Variants in PCDH9 observed in about 807,000 individuals in gnomAD.
PCDH9 encodes the protein protocadherin 9.
PCDH9 carries 24 observed loss-of-function variants against 70.6 expected under a neutral mutation model. That is an observed-to-expected ratio of 0.34 (90% CI 0.25 to 0.48). PCDH9 has a LOEUF of 0.48. PCDH9 is among the 20% of genes least tolerant of loss of function. The pLI is 0.99. For missense variants in PCDH9, 1,281 were observed against 1,503.6 expected (o/e 0.85, Z 2.45); for synonymous variants, 562 against 558.5 (o/e 1.01, Z -0.09).
intron 2 of PCDH9, among the ~76,000 whole-genome samples, chr13:67,068,918 A>G (rs1035619509): frequency 1.3e-5 from 2 of 152,214 alleles, no homozygotes; most frequent in Admixed American, 6.6e-5. Flanking sequence ...AAGTTATTAA[A>G]TACAAAATGT....
At chr13:66,413,166 G>A (rs1418204449) in intron 4 of PCDH9, among the ~76,000 whole-genome samples, 1 of 152,038 alleles carries the variant, frequency 6.6e-6, no homozygotes, top group African/African-American at 2.4e-5. Flanking sequence ...AACTTGTCAT[G>A]TTTCCATATG....
In PCDH9 at chr13:67,225,418, A is replaced by G. The variant is rs373547205; in HGVS notation, c.3023T>C (p.Leu1008Ser). ...GTGCTCGTTTACCTGTCTGGTGTGTAAGGGGCCCTTTGTCTTGAAGCCTCC... is the reference window on the plus strand; with the variant it reads ...GTGCTCGTTTACCTGTCTGGTGTGTGAGGGGCCCTTTGTCTTGAAGCCTCC... ...SQGGFKTKGP[L>S]HTRQCNSHSK... is the part of the protein sequence containing the mutation. The change falls in exon 2 of 5, where the codon TTA (leucine) becomes TCA (serine). Residue 1008 changes from leucine (L) to serine (S), a missense_variant. By Grantham distance (145) the Leu-to-Ser change is moderately radical. Coordinates refer to ENST00000377865, the MANE Select transcript of PCDH9 (RefSeq NM_203487.3). 8 of 1,613,744 alleles carry G rather than the reference A, an allele frequency of 5.0e-6. No homozygotes were observed. The highest frequency in any genetic ancestry group is 1.7e-5 in the Admixed American group (1 of 59,998).
intron 3 of PCDH9, among the ~76,000 whole-genome samples, chr13:66,764,470 C>T (rs1341440628): frequency 1.3e-5 from 2 of 151,704 alleles, no homozygotes; most frequent in Non-Finnish European, 1.5e-5. Flanking sequence ...TTCCAGACCT[C>T]AAAACAAGCA....
chr13:67,010,774 A>G (rs993003414), intron 2 of PCDH9, among the ~76,000 whole-genome samples: 2 of 152,018 alleles, frequency 1.3e-5, no homozygotes, highest in Non-Finnish European at 2.9e-5. Context: ...TTAATAATTT[A>G]AAGAAAAGTA....
intron 2 of PCDH9, among the ~76,000 whole-genome samples, chr13:66,967,573 A>G (rs1409656799): frequency 6.6e-6 from 1 of 152,048 alleles, no homozygotes; most frequent in Non-Finnish European, 1.5e-5. Context: ...ATAAGTAACA[A>G]GTTTACCCAA....
chr13:66,311,281 A>G (rs923198678), intron 4 of PCDH9, among the ~76,000 whole-genome samples: 1 of 152,026 alleles, frequency 6.6e-6, no homozygotes, highest in African/African-American at 2.4e-5. Flanking sequence ...GTATCTCCAG[A>G]ATACTAACAC....
At chr13:66,329,831 T>C (rs549791990) in intron 4 of PCDH9, among the ~76,000 whole-genome samples, 4 of 152,160 alleles carry the variant, frequency 2.6e-5, no homozygotes, top group Non-Finnish European at 5.9e-5. Context: ...CAGATAGCAC[T>C]ATATATATGA....
intron 2 of PCDH9, among the ~76,000 whole-genome samples, chr13:67,059,999 G>A (rs2085506403): frequency 6.6e-6 from 1 of 151,332 alleles, no homozygotes. Flanking sequence ...ATGGGGGTAT[G>A]AGTATGAGGG....
At chr13:66,305,162 A>G in intron 4 of PCDH9, 134 bp from the exon 5 acceptor site, 6 of 775,116 alleles carry the variant, frequency 7.7e-6, no homozygotes, top group Non-Finnish European at 1.2e-5. Context: ...CAACTCAAAG[A>G]TATATTTCTC....
At chr13:67,010,619 TTC>T (rs1332785672) in intron 2 of PCDH9, among the ~76,000 whole-genome samples, 2 of 152,000 alleles carry the variant, frequency 1.3e-5, no homozygotes. Context: ...TACTAGTTTA[TTC>T]TGTTCTATTT....
At chr13:66,710,253 T>A (rs1262364905) in intron 3 of PCDH9, among the ~76,000 whole-genome samples, 1 of 152,150 alleles carries the variant, frequency 6.6e-6, no homozygotes, top group Admixed American at 6.6e-5. Context: ...GTTTTATGCC[T>A]TCTATTAATT....
At chr13:67,075,012 G>A (rs1374476144) in intron 2 of PCDH9, among the ~76,000 whole-genome samples, 2 of 151,270 alleles carry the variant, frequency 1.3e-5, no homozygotes, top group African/African-American at 2.4e-5. Context: ...TGTCCCAATG[G>A]AATATGGATC....
intron 3 of PCDH9, among the ~76,000 whole-genome samples, chr13:66,852,560 G>C (rs907614177): frequency 3.9e-5 from 6 of 152,070 alleles, no homozygotes; most frequent in African/African-American, 1.4e-4. Context: ...CTTCTCCAAG[G>C]CCAAATTCAC....
At chr13:66,840,293 TTGAA>T (rs1459640696) in intron 3 of PCDH9, among the ~76,000 whole-genome samples, 1 of 152,236 alleles carries the variant, frequency 6.6e-6, no homozygotes, top group Non-Finnish European at 1.5e-5. Context: ...AAACTGGCTC[TTGAA>T]TAGAGTTGTA....
chr13:67,076,283 G>GTA (rs764201871), intron 2 of PCDH9, among the ~76,000 whole-genome samples: 5 of 152,126 alleles, frequency 3.3e-5, no homozygotes, highest in Admixed American at 6.6e-5. Flanking sequence ...ATTTAGCATA[G>GTA]TAGAGCATTT....
chr13:66,767,117 T>C (rs1447562335), intron 3 of PCDH9, among the ~76,000 whole-genome samples: 2 of 151,848 alleles, frequency 1.3e-5, no homozygotes, highest in African/African-American at 4.8e-5. Context: ...GAAATCTACG[T>C]GAAGAAAGTT....
intron 3 of PCDH9, among the ~76,000 whole-genome samples, chr13:66,878,524 G>T (rs954710316): frequency 6.6e-6 from 1 of 152,138 alleles, no homozygotes; most frequent in Non-Finnish European, 1.5e-5. Flanking sequence ...ATAGCGCAGG[G>T]CCGGGACTAA....
At chr13:66,555,624 G>T (rs1223728016) in intron 4 of PCDH9, among the ~76,000 whole-genome samples, 1 of 150,220 alleles carries the variant, frequency 6.7e-6, no homozygotes, top group East Asian at 2.0e-4. Context: ...AAAACTGGTA[G>T]ATCACTGAGG....
At chr13:66,513,442 A>G (rs1321215447) in intron 4 of PCDH9, among the ~76,000 whole-genome samples, 3 of 152,070 alleles carry the variant, frequency 2.0e-5, no homozygotes, top group South Asian at 2.1e-4. Flanking sequence ...CACGTTTTAC[A>G]TAATTTCATT....
Sources: allele counts gnomAD v4.1 joint callset (sites outside exome capture counted in the v4.1 genomes callset), GRCh38; gene constraint gnomAD v4.1.1; transcripts MANE v1.5; gene names NCBI Gene and HGNC (gene_info 2026-07-23, HGNC 2026-07-21).